Variants in PLEKHA5 observed in about 807,000 individuals in gnomAD.
PLEKHA5 encodes pleckstrin homology domain-containing family A member 5.
In PLEKHA5, 55 loss-of-function variants were observed where a neutral mutation model predicts 181.9. The ratio of observed to expected loss-of-function variants is 0.30; its 90% CI spans 0.24 to 0.38. PLEKHA5 has a LOEUF of 0.38. PLEKHA5 is among the 10% of genes least tolerant of loss of function. The probability of loss-of-function intolerance (pLI) is 1.00; values close to 1 mark genes in which losing one functional copy is unlikely to be tolerated. For missense variants in PLEKHA5, 1,432 were observed against 1,549.5 expected, an observed-to-expected ratio of 0.92 and a Z score of 1.27; for synonymous variants, 535 against 529.4, an observed-to-expected ratio of 1.01 and a Z score of -0.15.
intron 21 of PLEKHA5, 115 bp from the exon 22 acceptor site, chr12:19,343,208 C>A: frequency 1.7e-6 from 1 of 579,054 alleles, no homozygotes; most frequent in Non-Finnish European, 3.0e-6. Flanking sequence ...ATTCGTAACA[C>A]TTAATTCACT....
intron 3 of PLEKHA5, chr12:19,149,613 T>C (rs2039885819): frequency 6.6e-6 from 1 of 152,414 alleles, no homozygotes; most frequent in Non-Finnish European, 1.5e-5. Context: ...TTCTCCCGTT[T>C]GTTTCTTTCT....
At chr12:19,252,562 A>G (rs2065632827) in intron 3 of PLEKHA5, among the ~76,000 whole-genome samples, 1 of 152,166 alleles carries the variant, frequency 6.6e-6, no homozygotes, top group African/African-American at 2.4e-5. Flanking sequence ...TTATCATTCA[A>G]CCTAGAAAGA....
At chr12:19,146,975 T>TA (rs1262798995) in intron 3 of PLEKHA5, 1 of 152,226 alleles carries the variant, frequency 6.6e-6, no homozygotes, top group African/African-American at 2.4e-5. Context: ...TGAGTTAATT[T>TA]ATATGAACAA....
rs763462166 is a variant in PLEKHA5, at chr12:19,322,633, T to A, written c.2414T>A (p.Leu805His). The change falls in exon 20 of 32, where the codon CTT becomes CAT. Residue 805 changes from leucine (L) to histidine (H), a missense_variant. Physicochemically the swap from Leu to His is moderately conservative, Grantham distance 99. Transcript: ENST00000429027. ...AGGGATGATTTACAAAATGGACTGC[T>A]TAGTACGTGTCGAGAACTTTCTCGA... is the stretch of plus-strand genomic sequence containing the variant. Reference protein sequence around the residue: ...LQRDDLQNGLLSTCRELSRAT... With the variant: ...LQRDDLQNGLHSTCRELSRAT... The A allele has an allele frequency of 6.2e-7, 1 of 1,613,910 alleles. No individual in the cohort carries two copies. Among genetic ancestry groups the A allele is most frequent in the Non-Finnish European group, 8.5e-7 (1 of 1,179,838 alleles).
At chr12:19,250,073 T>C (rs567623799) in intron 3 of PLEKHA5, among the ~76,000 whole-genome samples, 3 of 152,242 alleles carry the variant, frequency 2.0e-5, no homozygotes, top group Admixed American at 2.0e-4. Context: ...AGTTATGACA[T>C]TCAAAATGTT....
rs539873057 is a variant in PLEKHA5 at position 19,231,972 on chromosome 12, A to T, written c.228-21968A>T. The stretch of plus-strand genomic sequence containing the variant: ...ATAGAGTTTAAATATGCCAAAGGGG[A>T]TATAAATATAACCACACATTTCTCC... On this transcript the variant is annotated intron_variant, in intron 3 of 31. Transcript: ENST00000429027. Among the ~76,000 whole-genome samples the T allele has an allele frequency of 7.2e-5, 11 of 152,234 alleles. No individual in the cohort carries two copies. In the East Asian group the frequency reaches 1.9e-3, roughly 27 times the overall value.
rs564997831 is a variant in PLEKHA5 at position 19,235,749 on chromosome 12, GAAGA to G, written c.228-18187_228-18184del. On this transcript the variant is annotated intron_variant, in intron 3 of 31. Transcript: ENST00000429027. ...CTGCTTTCTGTGTGAATAGGCATAT[GAAGA>G]AAGGTTTAACCTCACTTTAAATTAA... 2.0e-3 allele frequency among the ~76,000 whole-genome samples: 304 copies of G among 152,274 alleles called. 1 individual carries two copies. The highest frequency in any genetic ancestry group is 6.8e-3 in the Middle Eastern group (2 of 294).
At chr12:19,369,657 A>T in intron 30 of PLEKHA5, 36 bp from the exon 31 acceptor site, 1 of 1,333,900 alleles carries the variant, frequency 7.5e-7, no homozygotes. Context: ...TGTCTTAAAG[A>T]TTTTTATCTT....
intron 3 of PLEKHA5, among the ~76,000 whole-genome samples, chr12:19,171,302 A>G (rs900643674): frequency 1.3e-5 from 2 of 152,298 alleles, no homozygotes; most frequent in East Asian, 3.9e-4. Context: ...GAAGATAATC[A>G]GTTTCTTCAT....
In PLEKHA5 at chr12:19,340,707, T is replaced by C. The variant is rs377671342; in HGVS notation, c.2551-2616T>C. Reference sequence around the variant, plus strand: ...CTGTGTCCACTCAGGGTTGAATGGATTAAGGGTGGTGCAAGATGTGCTTTG... The same window carrying C: ...CTGTGTCCACTCAGGGTTGAATGGACTAAGGGTGGTGCAAGATGTGCTTTG... On this transcript the variant is annotated intron_variant, in intron 21 of 31. Transcript: ENST00000429027. Among the ~76,000 whole-genome samples the C allele has an allele frequency of 2.1e-5, 3 of 144,146 alleles. No homozygotes were observed. The East Asian group carries it at 5.9e-4, about 29-fold the overall frequency. The allele number at this position is 144,146 out of a possible 152,430, so 94.6% of individuals were successfully genotyped here.
In PLEKHA5 at chr12:19,201,991, T is replaced by C. The variant is rs76143284; in HGVS notation, c.228-51949T>C. 799 of 949,834 alleles carry C rather than the reference T, an allele frequency of 8.4e-4. 6 individuals carry two copies. In the East Asian group the frequency reaches 0.026, roughly 31 times the overall value. 58.8% of individuals were successfully genotyped at this position (949,834 alleles called of 1,614,324 possible). ...CACTGCAATAAAACTAAATAAAAGCTGAGTTAGTACCACTTGCCTTGGGTT... is the reference window on the plus strand; with the variant it reads ...CACTGCAATAAAACTAAATAAAAGCCGAGTTAGTACCACTTGCCTTGGGTT... On this transcript the variant is annotated intron_variant, in intron 3 of 31. Transcript: ENST00000429027.
At chr12:19,256,159 A>G (rs1167497878) in intron 5 of PLEKHA5, among the ~76,000 whole-genome samples, 1 of 152,190 alleles carries the variant, frequency 6.6e-6, no homozygotes, top group African/African-American at 2.4e-5. Context: ...ACTCTTAAAT[A>G]TATGAAAAAA....
chr12:19,193,702 T>C (rs1368796432), intron 3 of PLEKHA5, among the ~76,000 whole-genome samples: 3 of 152,152 alleles, frequency 2.0e-5, no homozygotes. Context: ...TCTGAGTCCC[T>C]GTATTAGGCC....
chr12:19,263,638 T>C (rs2069278372), intron 7 of PLEKHA5, among the ~76,000 whole-genome samples: 1 of 152,124 alleles, frequency 6.6e-6, no homozygotes, highest in Non-Finnish European at 1.5e-5. Context: ...TAAAACTAAG[T>C]AGAAATGGGG....
chr12:19,148,944 G>A (rs970365912), intron 3 of PLEKHA5, among the ~76,000 whole-genome samples: 9 of 152,062 alleles, frequency 5.9e-5, no homozygotes, highest in African/African-American at 2.2e-4. Flanking sequence ...TTTCTCAGCA[G>A]GTTCTCTAAA....
chr12:19,170,694 A>C (rs940976141), intron 3 of PLEKHA5, among the ~76,000 whole-genome samples: 1 of 152,236 alleles, frequency 6.6e-6, no homozygotes, highest in Non-Finnish European at 1.5e-5. Context: ...TTGGGATTAC[A>C]GGCGTGAGCC....
At chr12:19,226,884 A>G (rs1374319812) in intron 3 of PLEKHA5, among the ~76,000 whole-genome samples, 1 of 152,118 alleles carries the variant, frequency 6.6e-6, no homozygotes, top group Non-Finnish European at 1.5e-5. Context: ...TATTTAGCCA[A>G]TTTAGGAATC....
At chr12:19,226,682 C>T (rs2059741875) in intron 3 of PLEKHA5, among the ~76,000 whole-genome samples, 1 of 152,124 alleles carries the variant, frequency 6.6e-6, no homozygotes, top group South Asian at 2.1e-4. Flanking sequence ...CAAAGAAAAG[C>T]TGTGAAACTG....
intron 15 of PLEKHA5, among the ~76,000 whole-genome samples, chr12:19,300,758 T>G (rs1030092028): frequency 1.3e-5 from 2 of 152,198 alleles, no homozygotes; most frequent in Non-Finnish European, 2.9e-5. Flanking sequence ...ATTCAGCTAC[T>G]CAGTGCCATT....
Sources: allele counts gnomAD v4.1 joint callset (sites outside exome capture counted in the v4.1 genomes callset), GRCh38; gene constraint gnomAD v4.1.1; transcripts MANE v1.5; gene names NCBI Gene and HGNC (gene_info 2026-07-23, HGNC 2026-07-21).